The following WDR70 variants were observed in gnomAD, a reference collection of about 807,000 sequenced individuals.
The protein encoded by WDR70 is WD repeat domain 70, also known as WD repeat-containing protein 70.
Under a neutral mutation model 88.6 loss-of-function variants are expected in WDR70, and 53 were observed. The observed-to-expected ratio is 0.60, with a 90% CI of 0.48 to 0.75. The LOEUF (loss-of-function observed/expected upper bound fraction) is 0.75, where lower values mean the gene tolerates loss of function less well. Among genes scored for constraint, WDR70 ranks in the 30% least tolerant of loss-of-function variants. The probability of loss-of-function intolerance (pLI) is 0.00; values close to 1 mark genes in which losing one functional copy is unlikely to be tolerated. For synonymous variants in WDR70, 280 were observed against 270.0 expected (o/e 1.04, Z -0.36); for missense variants, 610 against 823.2 (o/e 0.74, Z 3.17).
At chr5:37,658,150 C>A (rs72740987) in intron 10 of WDR70, among the ~76,000 whole-genome samples, 1 of 151,228 alleles carries the variant, frequency 6.6e-6, no homozygotes, top group Non-Finnish European at 1.5e-5. Context: ...TCTTCCTCAT[C>A]ATCTTCACAT....
intron 9 of WDR70, among the ~76,000 whole-genome samples, chr5:37,524,714 A>C (rs1741206475): frequency 6.6e-6 from 1 of 152,224 alleles, no homozygotes; most frequent in Non-Finnish European, 1.5e-5. Flanking sequence ...AAGGCCCATC[A>C]GTGTGCTGTA....
chr5:37,692,152 G>T (rs751391479), intron 10 of WDR70, among the ~76,000 whole-genome samples: 1 of 147,060 alleles, frequency 6.8e-6, no homozygotes, highest in Non-Finnish European at 1.5e-5. Context: ...CCCACCCCTC[G>T]CAAGACTAAA....
At chr5:37,443,147 T>G in intron 6 of WDR70, 92 bp from the exon 7 acceptor site, 1 of 1,386,416 alleles carries the variant, frequency 7.2e-7, no homozygotes, top group Non-Finnish European at 9.7e-7. Flanking sequence ...TCCTATAACA[T>G]AGGGGGTGGG....
At chr5:37,683,282 T>C (rs771724575) in intron 10 of WDR70, among the ~76,000 whole-genome samples, 16 of 152,218 alleles carry the variant, frequency 1.1e-4, no homozygotes, top group Admixed American at 5.9e-4. Context: ...TTATCCAGCT[T>C]GCCACTCTGT....
At chr5:37,468,771 T>C (rs1158376652) in intron 7 of WDR70, among the ~76,000 whole-genome samples, 1 of 152,230 alleles carries the variant, frequency 6.6e-6, no homozygotes, top group Admixed American at 6.5e-5. Flanking sequence ...GTACTGAACA[T>C]GTACACTTTT....
chr5:37,609,520 T>C (rs1475217568), intron 10 of WDR70, among the ~76,000 whole-genome samples: 1 of 152,204 alleles, frequency 6.6e-6, no homozygotes, highest in Non-Finnish European at 1.5e-5. Flanking sequence ...TCAGGAAAAT[T>C]GGGATTCATC....
In WDR70 at chr5:37,604,456, A is replaced by G. The variant is rs1313800322; in HGVS notation, c.918-608A>G. ...GTGTTTGTTCTACCCTCCCTTACTG[A>G]CAGTGCTCCTTCGCTTAGGACTGTG... On this transcript the variant is annotated intron_variant, in intron 9 of 17. Coordinates refer to ENST00000265107, the MANE Select transcript of WDR70 (RefSeq NM_018034.4). Among the ~76,000 whole-genome samples, 3 of 152,208 alleles carry G rather than the reference A, an allele frequency of 2.0e-5. No homozygotes were observed. In the East Asian group the frequency reaches 5.8e-4, roughly 29 times the overall value.
intron 10 of WDR70, among the ~76,000 whole-genome samples, chr5:37,650,641 TAAA>T (rs908952792): frequency 4.6e-5 from 7 of 152,168 alleles, no homozygotes; most frequent in Non-Finnish European, 1.0e-4. Flanking sequence ...ATCATTAACA[TAAA>T]AGGCTTTGAG....
intron 10 of WDR70, among the ~76,000 whole-genome samples, chr5:37,628,673 G>A (rs1193468906): frequency 2.6e-5 from 4 of 152,108 alleles, no homozygotes; most frequent in Non-Finnish European, 5.9e-5. Context: ...TTAAATGGGG[G>A]AATTTAATCC....
At chr5:37,414,196 C>T (rs1485518863) in intron 5 of WDR70, among the ~76,000 whole-genome samples, 1 of 151,372 alleles carries the variant, frequency 6.6e-6, no homozygotes, top group African/African-American at 2.4e-5. Context: ...CACTTCTCTG[C>T]TCCAAACGTC....
At chr5:37,616,397 T>C (rs972799225) in intron 10 of WDR70, among the ~76,000 whole-genome samples, 3 of 152,312 alleles carry the variant, frequency 2.0e-5, no homozygotes, top group Admixed American at 2.0e-4. Context: ...TGGCAGCCAC[T>C]GCACCCAGCC....
At chr5:37,654,668 T>C (rs1248228799) in intron 10 of WDR70, among the ~76,000 whole-genome samples, 1 of 152,234 alleles carries the variant, frequency 6.6e-6, no homozygotes, top group Non-Finnish European at 1.5e-5. Context: ...TAGCTCTTCT[T>C]GTTGCATTGA....
At chr5:37,384,111 T>C (rs1476461255) in intron 3 of WDR70, among the ~76,000 whole-genome samples, 1 of 151,828 alleles carries the variant, frequency 6.6e-6, no homozygotes, top group Non-Finnish European at 1.5e-5. Flanking sequence ...AAGATACCTG[T>C]AAGAGATAGG....
intron 9 of WDR70, among the ~76,000 whole-genome samples, chr5:37,587,778 C>CTTTTTTT (rs55980790): frequency 8.1e-6 from 1 of 122,758 alleles, no homozygotes. Context: ...AAGCCCTATT[C>CTTTTTTT]TTTTTTTTTT....
chr5:37,650,433 G>T (rs1009974413), intron 10 of WDR70, among the ~76,000 whole-genome samples: 2 of 152,022 alleles, frequency 1.3e-5, no homozygotes, highest in Admixed American at 1.3e-4. Context: ...GAAAGTATTG[G>T]ATGTAAGAGA....
chr5:37,380,631 T>C (rs974235466), intron 2 of WDR70, among the ~76,000 whole-genome samples: 1 of 151,990 alleles, frequency 6.6e-6, no homozygotes, highest in African/African-American at 2.4e-5. Flanking sequence ...CGTGAGCCAC[T>C]GTGCCCAGCC....
At chr5:37,525,251 T>G (rs1581365272) in intron 9 of WDR70, among the ~76,000 whole-genome samples, 1 of 152,154 alleles carries the variant, frequency 6.6e-6, no homozygotes, top group East Asian at 1.9e-4. Context: ...TCAGCAAATG[T>G]AAAAGAACAG....
intron 17 of WDR70, among the ~76,000 whole-genome samples, chr5:37,750,336 C>A (rs1748769250): frequency 6.6e-6 from 1 of 152,070 alleles, no homozygotes; most frequent in Non-Finnish European, 1.5e-5. Context: ...GCACTTGAGA[C>A]CAGCCTGGGC....
At chr5:37,491,083 T>C (rs564207751) in intron 8 of WDR70, among the ~76,000 whole-genome samples, 2 of 152,162 alleles carry the variant, frequency 1.3e-5, no homozygotes, top group Non-Finnish European at 2.9e-5. Flanking sequence ...CAGTCTCAGC[T>C]TGTCAGGGTT....
Sources: gnomAD v4.1 joint callset for allele counts (sites outside exome capture counted in the v4.1 genomes callset) on GRCh38, gnomAD v4.1.1 for gene constraint, MANE v1.5 for transcripts, NCBI Gene and HGNC (gene_info 2026-07-23, HGNC 2026-07-21) for gene names.